Variants in LCOR observed in about 807,000 individuals in gnomAD.
The protein encoded by LCOR is ligand dependent nuclear receptor corepressor.
In LCOR, 14 loss-of-function variants were observed where a neutral mutation model predicts 64.4. The observed-to-expected ratio is 0.22, with a 90% CI of 0.14 to 0.34. The LOEUF (loss-of-function observed/expected upper bound fraction) is 0.34. Ranked by LOEUF, LCOR falls within the 10% of genes least tolerant of loss-of-function variation. LCOR has a pLI of 1.00. For missense variants in LCOR, 1,686 were observed against 1,765.3 expected (o/e 0.96, Z 0.80); for synonymous variants, 643 against 642.5 (o/e 1.00, Z -0.01).
intron 2 of LCOR, among the ~76,000 whole-genome samples, chr10:96,847,382 G>C (rs1313587459): frequency 6.7e-6 from 1 of 149,126 alleles, no homozygotes; most frequent in Non-Finnish European, 1.5e-5. Context: ...TAACAGTCCT[G>C]AATGAGTTAT....
chr10:96,973,098 T>A (rs1397404409), intron 7 of LCOR, among the ~76,000 whole-genome samples: 1 of 152,232 alleles, frequency 6.6e-6, no homozygotes, highest in Non-Finnish European at 1.5e-5. Context: ...AAATTGCTTT[T>A]TCTGTATCTA....
chr10:96,954,339 T>C (rs1265534019), intron 7 of LCOR, among the ~76,000 whole-genome samples: 2 of 152,102 alleles, frequency 1.3e-5, no homozygotes, highest in African/African-American at 4.8e-5. Context: ...GTTAGCCATA[T>C]ATATGTATTC....
intron 2 of LCOR, among the ~76,000 whole-genome samples, chr10:96,850,165 A>T (rs1352749596): frequency 6.6e-6 from 1 of 152,184 alleles, no homozygotes; most frequent in Non-Finnish European, 1.5e-5. Context: ...CACTGCATGA[A>T]GCTGAAAATG....
intron 2 of LCOR, among the ~76,000 whole-genome samples, chr10:96,885,262 A>G (rs111511570): frequency 1.8e-3 from 276 of 152,280 alleles, no homozygotes; most frequent in Admixed American, 2.0e-3. Context: ...TTTGTACCCA[A>G]TGTGTTTTGA....
chr10:96,861,644 C>T lies in LCOR; in HGVS notation c.-330+28165C>T, dbSNP rs867131677. On this transcript the variant is annotated intron_variant, in intron 2 of 7. Coordinates refer to ENST00000421806, the MANE Select transcript of LCOR (RefSeq NM_001346516.2). Reference sequence around the variant, plus strand: ...CACTGCATCCTCCACCTCCTGGGTTCAAGTGATTCTCCTGCCTCAGGTGCC... The same window carrying T: ...CACTGCATCCTCCACCTCCTGGGTTTAAGTGATTCTCCTGCCTCAGGTGCC... 2.0e-5 allele frequency among the ~76,000 whole-genome samples: 3 copies of T among 152,198 alleles called. No homozygotes were observed. In the South Asian group the frequency reaches 6.2e-4, roughly 32 times the overall value.
At chr10:96,900,911 C>G (rs1399252790) in intron 2 of LCOR, among the ~76,000 whole-genome samples, 1 of 149,698 alleles carries the variant, frequency 6.7e-6, no homozygotes, top group African/African-American at 2.5e-5. Flanking sequence ...TGGGGTCGGC[C>G]GGGCGCAGTG....
intron 4 of LCOR, among the ~76,000 whole-genome samples, chr10:96,942,885 TTA>T (rs1051044714): frequency 6.6e-6 from 1 of 152,202 alleles, no homozygotes; most frequent in African/African-American, 2.4e-5. Flanking sequence ...TTCAAATAAA[TTA>T]TATGCACTAG....
chr10:96,893,980 A>C (rs1846493862), intron 2 of LCOR, among the ~76,000 whole-genome samples: 1 of 152,186 alleles, frequency 6.6e-6, no homozygotes, highest in Non-Finnish European at 1.5e-5. Context: ...AAGGAAAAAT[A>C]AAGTGAAAGA....
chr10:96,920,321 T>C (rs1847025530), intron 4 of LCOR, among the ~76,000 whole-genome samples: 1 of 151,360 alleles, frequency 6.6e-6, no homozygotes, highest in Non-Finnish European at 1.5e-5. Context: ...AAATGTCTTG[T>C]TCAAGTTCTT....
At chr10:96,944,300 C>A in intron 5 of LCOR, 55 bp downstream of exon 5, 1 of 909,464 alleles carries the variant, frequency 1.1e-6, no homozygotes, top group Non-Finnish European at 1.3e-6. Flanking sequence ...TTATTGATCT[C>A]CTTAATTTCA....
At chr10:96,880,361 C>T (rs1311243938) in intron 2 of LCOR, among the ~76,000 whole-genome samples, 1 of 152,044 alleles carries the variant, frequency 6.6e-6, no homozygotes, top group African/African-American at 2.4e-5. Flanking sequence ...TATTTTAAGG[C>T]CATCTTGTTT....
In LCOR at chr10:96,976,540, T is replaced by C. The variant is rs991626116; in HGVS notation, c.333-4253T>C. Among the ~76,000 whole-genome samples, 3 of 152,230 alleles carry C rather than the reference T, an allele frequency of 2.0e-5. No homozygotes were observed. In the East Asian group the frequency reaches 5.8e-4, roughly 29 times the overall value. The stretch of plus-strand genomic sequence containing the variant: ...TGAGCCATATGGCCATGGTTGTTGC[T>C]TCAGGGCTGGCTGCATGGCCCTTTG... On this transcript the variant is annotated intron_variant, in intron 7 of 7. Transcript: ENST00000421806.
chr10:96,927,946 A>G (rs1427972187), intron 4 of LCOR, among the ~76,000 whole-genome samples: 1 of 152,242 alleles, frequency 6.6e-6, no homozygotes, highest in African/African-American at 2.4e-5. Context: ...CAATAGCATT[A>G]TATATAAAGA....
At position 96,990,268 on chromosome 10, in the gene LCOR, A is replaced by G. The variant is rs7894160; in HGVS notation, c.*5134A>G. Reference sequence around the variant, plus strand: ...CTATTAGGGTATGTAGTTTAAAAGTACAGTTTTTTGAAAGTATAGTCATCT... The same window carrying G: ...CTATTAGGGTATGTAGTTTAAAAGTGCAGTTTTTTGAAAGTATAGTCATCT... On this transcript the variant is annotated 3_prime_UTR_variant, in exon 8 of 8. Transcript: ENST00000421806. 60,361 of 151,954 alleles carry G rather than the reference A, an allele frequency of 0.4. 15,345 individuals are homozygous for G. Among genetic ancestry groups the G allele is most frequent in the African/African-American group, 0.71 (29,427 of 41,450 alleles). 9.4% of individuals were successfully genotyped at this position (151,954 alleles called of 1,614,324 possible).
intron 7 of LCOR, among the ~76,000 whole-genome samples, chr10:96,952,908 C>T (rs1487335490): frequency 6.6e-6 from 1 of 152,084 alleles, no homozygotes; most frequent in Non-Finnish European, 1.5e-5. Flanking sequence ...AAAAAATCAA[C>T]TTTAGATATG....
intron 4 of LCOR, among the ~76,000 whole-genome samples, chr10:96,937,785 T>G (rs1050722981): frequency 1.3e-5 from 2 of 152,136 alleles, no homozygotes; most frequent in African/African-American, 2.4e-5. Flanking sequence ...AAACCAAAGA[T>G]ATCACAAGAA....
Position 96,883,041 on chromosome 10 carries a change from T to C in LCOR, c.-329-24224T>C, listed in dbSNP as rs78362284. Among the ~76,000 whole-genome samples, 1,522 of 152,210 alleles carry C rather than the reference T, an allele frequency of 1.0e-2. 22 individuals are homozygous for C. The highest frequency in any genetic ancestry group is 0.031 in the African/African-American group (1,303 of 41,530). ...TAAAATTTGTGTTCAGGTTTTTCTTTTGTTGTTGTTGTTGAGACAGAATCT... is the reference window on the plus strand; with the variant it reads ...TAAAATTTGTGTTCAGGTTTTTCTTCTGTTGTTGTTGTTGAGACAGAATCT... On this transcript the variant is annotated intron_variant, in intron 2 of 7. Coordinates refer to ENST00000421806, the MANE Select transcript of LCOR (RefSeq NM_001346516.2).
chr10:96,911,281 A>G (rs1449451749), intron 4 of LCOR, among the ~76,000 whole-genome samples: 1 of 151,928 alleles, frequency 6.6e-6, no homozygotes, highest in African/African-American at 2.4e-5. Flanking sequence ...TATTTTTAGT[A>G]GAGACAGGGT....
chr10:96,898,929 A>G (rs955699494), intron 2 of LCOR, among the ~76,000 whole-genome samples: 2 of 152,162 alleles, frequency 1.3e-5, no homozygotes, highest in Non-Finnish European at 2.9e-5. Context: ...TTAGGGATGG[A>G]AAAGAGAGAA....
Sources: gnomAD v4.1 joint callset for allele counts (sites outside exome capture counted in the v4.1 genomes callset) on GRCh38, gnomAD v4.1.1 for gene constraint, MANE v1.5 for transcripts, NCBI Gene and HGNC (gene_info 2026-07-23, HGNC 2026-07-21) for gene names.